Variants in CEP152 observed in about 807,000 individuals in gnomAD.
CEP152 encodes the protein centrosomal protein 152, also known as centrosomal protein of 152 kDa.
CEP152 carries 132 observed loss-of-function variants against 188.9 expected under a neutral mutation model. The observed-to-expected ratio is 0.70, with a 90% confidence interval of 0.61 to 0.81. The LOEUF is 0.81. Ranked by LOEUF, CEP152 falls within the 30% of genes least tolerant of loss-of-function variation. CEP152 has a pLI of 0.00. For synonymous variants in CEP152, 649 were observed against 666.6 expected (o/e 0.97, Z 0.41); for missense variants, 1,914 against 1,969.8 (o/e 0.97, Z 0.54).
chr15:48,791,195 A>T (rs779084249), intron 8 of CEP152, 42 bp downstream of exon 8: 12 of 1,570,150 alleles, frequency 7.6e-6, no homozygotes, highest in African/African-American at 1.4e-5. Context: ...TTAAATAACT[A>T]AACTTTTAAT....
intron 9 of CEP152, among the ~76,000 whole-genome samples, chr15:48,786,819 A>C (rs1457323218): frequency 6.6e-6 from 1 of 152,216 alleles, no homozygotes; most frequent in African/African-American, 2.4e-5. Flanking sequence ...ACTTTACTGT[A>C]GAGTTCTTCT....
chr15:48,797,468 C>T lies in CEP152; in HGVS notation c.373G>A (p.Gly125Arg), dbSNP rs372483478. The T allele has an allele frequency of 6.2e-7, 1 of 1,614,166 alleles. No homozygotes were observed. Among genetic ancestry groups the T allele is most frequent in the Non-Finnish European group, 8.5e-7 (1 of 1,179,994 alleles). Residue 125 changes from glycine (G) to arginine (R), a missense_variant, in exon 5 of 27, where the codon GGA becomes AGA. Transcript: ENST00000380950. ...RHPVYHPEEG[G>R]DEGGSGYSPP... ...CTATAACCACTTCCACCTTCATCTC[C>T]ACCTTCTTCAGGATGGTACACAGGA...
rs1371118247 is a variant in CEP152, at chr15:48,739,101, C to T, written c.4281G>A (p.Glu1427=). 3 of 1,614,086 alleles carry T rather than the reference C, an allele frequency of 1.9e-6. No homozygotes were observed. Among genetic ancestry groups the T allele is most frequent in the East Asian group, 2.2e-5 (1 of 44,898 alleles). ...CNLQRLLENS[E]HQSIKHVGSK... ...ATCCCACATGCTTTATGCTCTGATG[C>T]TCTGAGTTCTCTAACAGCCTTTGTA... The change falls in exon 27 of 27, where the codon GAG becomes GAA. Residue 1427 remains glutamate, a synonymous_variant. Transcript: ENST00000380950.
chr15:48,796,695 G>C (rs1056629668), intron 5 of CEP152, among the ~76,000 whole-genome samples: 3 of 152,092 alleles, frequency 2.0e-5, no homozygotes, highest in Admixed American at 1.3e-4. Flanking sequence ...ACACAGACTA[G>C]CTGTTGAGGT....
At position 48,738,784 on chromosome 15, in the gene CEP152, A is replaced by C. The variant is rs760116246; in HGVS notation, c.4598T>G (p.Leu1533Ter). 2 of 1,614,202 alleles carry C rather than the reference A, an allele frequency of 1.2e-6. No homozygotes were observed. The highest frequency in any genetic ancestry group is 1.7e-6 in the Non-Finnish European group (2 of 1,180,016). ...TFRDSNERLG[L>*]KVYKCNPLME... ...TAGTGGATTGCATTTATATACTTTT[A>C]AACCAAGTCTTTCATTAGAATCGCG... The change falls in exon 27 of 27, where the codon TTA (leucine) becomes TGA (stop). Residue 1533 changes from leucine (L) to a stop codon, truncating the protein, a stop_gained. Coordinates refer to ENST00000380950, the MANE Select transcript of CEP152 (RefSeq NM_001194998.2). LOFTEE classifies it low-confidence loss of function (END_TRUNC).
chr15:48,800,787 A>C (rs1235181537), intron 2 of CEP152, among the ~76,000 whole-genome samples: 1 of 152,218 alleles, frequency 6.6e-6, no homozygotes, highest in Non-Finnish European at 1.5e-5. Context: ...CTAAGGCTTC[A>C]GTTGAAATAA....
At position 48,739,060 on chromosome 15, in the gene CEP152, A is replaced by C. The variant is rs767421643; in HGVS notation, c.4322T>G (p.Leu1441Trp). The C allele has an allele frequency of 6.2e-7, 1 of 1,614,204 alleles. No homozygotes were observed. The highest frequency in any genetic ancestry group is 8.5e-7 in the Non-Finnish European group (1 of 1,180,022). ...IKHVGSKETHLEFQFGDGSCK... is the reference protein window; with the variant it reads ...IKHVGSKETHWEFQFGDGSCK... ...ACTACCATCCCCAAACTGGAATTCC[A>C]AATGTGTCTCTTTGGATCCCACATG... The change falls in exon 27 of 27, where the codon TTG becomes TGG. Residue 1441 changes from leucine to tryptophan, a missense_variant. Leu to Trp is a moderately conservative substitution (Grantham distance 61). Transcript: ENST00000380950.
downstream of CEP152, among the ~76,000 whole-genome samples, chr15:48,733,228 A>G (rs1227871232): frequency 6.6e-6 from 1 of 152,186 alleles, no homozygotes; most frequent in Non-Finnish European, 1.5e-5. Context: ...AATATAAAGA[A>G]GGGGTGACTG....
At chr15:48,760,005 A>T (rs1199992779) in intron 19 of CEP152, 130 bp downstream of exon 19, 24 of 1,188,836 alleles carry the variant, frequency 2.0e-5, no homozygotes, top group Non-Finnish European at 2.7e-5. Flanking sequence ...GCTTTGAGCT[A>T]TTGCTTAACA....
At chr15:48,750,725 A>G (rs1011752570) in intron 21 of CEP152, among the ~76,000 whole-genome samples, 3 of 152,202 alleles carry the variant, frequency 2.0e-5, no homozygotes, top group African/African-American at 7.2e-5. Context: ...GTTAAACAGG[A>G]AAAAAGCAAG....
At chr15:48,796,183 CAATT>C (rs1897278640) in intron 5 of CEP152, 23 bp from the exon 6 acceptor site, 1 of 1,612,290 alleles carries the variant, frequency 6.2e-7, no homozygotes, top group Admixed American at 1.7e-5. Flanking sequence ...ATGAAACTGA[CAATT>C]AAGATTTGGC....
intron 17 of CEP152, among the ~76,000 whole-genome samples, chr15:48,765,241 G>T (rs2140735433): frequency 6.6e-6 from 1 of 152,254 alleles, no homozygotes; most frequent in East Asian, 1.9e-4. Flanking sequence ...ATAGCAAAAG[G>T]GAGCGTTTTA....
At chr15:48,734,153 ATTG>A (rs1892516625), downstream of CEP152, among the ~76,000 whole-genome samples, 1 of 151,730 alleles carries the variant, frequency 6.6e-6, no homozygotes, top group Non-Finnish European at 1.5e-5. Context: ...TAGAAGACAT[ATTG>A]CTTTATTGTA....
intron 6 of CEP152, among the ~76,000 whole-genome samples, chr15:48,795,218 G>T (rs1232132294): frequency 6.6e-6 from 1 of 151,938 alleles, no homozygotes; most frequent in Non-Finnish European, 1.5e-5. Flanking sequence ...TTTCATCTCA[G>T]AATTCTCTAG....
At chr15:48,735,729 A>G (rs377059470), downstream of CEP152, among the ~76,000 whole-genome samples, 1 of 152,252 alleles carries the variant, frequency 6.6e-6, no homozygotes, top group African/African-American at 2.4e-5. Context: ...GCAAGTCTCC[A>G]TCTCAAAAAT....
chr15:48,736,121 C>T (rs980792647), downstream of CEP152, among the ~76,000 whole-genome samples: 1 of 152,118 alleles, frequency 6.6e-6, no homozygotes, highest in Non-Finnish European at 1.5e-5. Context: ...AGCTCTATAA[C>T]AAGAAAATAC....
intron 13 of CEP152, among the ~76,000 whole-genome samples, chr15:48,771,820 C>T (rs1238726464): frequency 6.6e-6 from 1 of 152,198 alleles, no homozygotes; most frequent in Non-Finnish European, 1.5e-5. Context: ...TAATAGCCAA[C>T]AGTTATGCAA....
intron 9 of CEP152, among the ~76,000 whole-genome samples, chr15:48,787,553 GAT>G (rs1896745454): frequency 6.6e-6 from 1 of 151,660 alleles, no homozygotes; most frequent in Admixed American, 6.6e-5. Flanking sequence ...TAATGAAATA[GAT>G]ATAATAAAAA....
chr15:48,806,314 T>A (rs1897984338), intron 1 of CEP152, among the ~76,000 whole-genome samples: 1 of 145,974 alleles, frequency 6.9e-6, no homozygotes, highest in Admixed American at 6.7e-5. Flanking sequence ...CAGCAAGAGT[T>A]CCCTGGGGAG....
Sources: allele counts gnomAD v4.1 joint callset (sites outside exome capture counted in the v4.1 genomes callset), GRCh38; gene constraint gnomAD v4.1.1; transcripts MANE v1.5; gene names NCBI Gene and HGNC (gene_info 2026-07-23, HGNC 2026-07-21).